RBM6: variants seen among roughly 807,000 people sequenced by gnomAD.
RBM6 encodes RNA binding motif protein 6.
RBM6 carries 23 observed loss-of-function variants against 140.4 expected under a neutral mutation model. That is an observed-to-expected ratio of 0.16 (90% CI 0.12 to 0.23). RBM6 has a LOEUF of 0.23. RBM6 is among the 10% of genes least tolerant of loss of function. The pLI is 1.00. For synonymous variants in RBM6, 439 were observed against 475.6 expected (o/e 0.92, Z 1.00); for missense variants, 1,139 against 1,386.7 (o/e 0.82, Z 2.84).
chr3:50,059,346 C>T (rs1247219982), intron 10 of RBM6: 1 of 194,378 alleles, frequency 5.1e-6, no homozygotes, highest in Non-Finnish European at 1.0e-5. Flanking sequence ...TCAAAAGTCA[C>T]AAGGGACTTT....
intron 6 of RBM6, among the ~76,000 whole-genome samples, chr3:50,036,687 T>C (rs1358441701): frequency 2.4e-4 from 37 of 152,332 alleles, no homozygotes; most frequent in South Asian, 2.1e-4. Flanking sequence ...GATAATTCTT[T>C]GTGTTATTTG....
chr3:49,986,520 G>A (rs773342595), intron 5 of RBM6, among the ~76,000 whole-genome samples: 1 of 150,770 alleles, frequency 6.6e-6, no homozygotes, highest in Admixed American at 6.6e-5. Flanking sequence ...GCATGAACCC[G>A]GGAGGCAGAG....
At chr3:49,958,607 C>T (rs944033567) in intron 1 of RBM6, among the ~76,000 whole-genome samples, 7 of 151,202 alleles carry the variant, frequency 4.6e-5, no homozygotes, top group Non-Finnish European at 8.9e-5. Flanking sequence ...AAAAATTAGC[C>T]GGGCGTGGTG....
At chr3:50,033,034 T>C (rs1012355298) in intron 6 of RBM6, among the ~76,000 whole-genome samples, 6 of 150,038 alleles carry the variant, frequency 4.0e-5, no homozygotes, top group African/African-American at 1.5e-4. Flanking sequence ...GCCAAGCTCA[T>C]GCCTGTAATC....
At chr3:50,047,407 C>T (rs2089273634) in intron 6 of RBM6, 1 of 800,888 alleles carries the variant, frequency 1.2e-6, no homozygotes, top group South Asian at 5.7e-5. Context: ...CACATACCTG[C>T]TGCCTAGTGT....
intron 5 of RBM6, among the ~76,000 whole-genome samples, chr3:49,997,597 T>G (rs888671409): frequency 2.0e-5 from 3 of 152,212 alleles, no homozygotes; most frequent in Non-Finnish European, 2.9e-5. Context: ...TGATATGTTC[T>G]GTAGAGGTAA....
chr3:50,056,589 C>T (rs2089711728), intron 8 of RBM6, among the ~76,000 whole-genome samples: 1 of 152,186 alleles, frequency 6.6e-6, no homozygotes, highest in Non-Finnish European at 1.5e-5. Context: ...CCACCGCTCC[C>T]GGCCATGAAT....
chr3:50,053,297 C>T (rs901769157), intron 7 of RBM6, among the ~76,000 whole-genome samples: 1 of 152,032 alleles, frequency 6.6e-6, no homozygotes. Context: ...TTTGGGAGGC[C>T]GAGGCGGGCA....
intron 6 of RBM6, among the ~76,000 whole-genome samples, chr3:50,006,176 G>T (rs1251920606): frequency 7.1e-6 from 1 of 141,732 alleles, no homozygotes; most frequent in Non-Finnish European, 1.5e-5. Flanking sequence ...ATGGAGTCTC[G>T]CTGTGTCGCC....
chr3:49,975,304 A>G lies in RBM6; in HGVS notation c.1414-19A>G. The G allele has an allele frequency of 1.3e-6, 2 of 1,583,672 alleles. No homozygotes were observed. The highest frequency in any genetic ancestry group is 1.7e-6 in the Non-Finnish European group (2 of 1,152,474). ...TGATTATGATTTGTATCATTTGTAT[A>G]AATGCCATATTTTTGCAGATTCTTA... On this transcript the variant is annotated intron_variant, in intron 4 of 20. Transcript: ENST00000266022.
intron 5 of RBM6, among the ~76,000 whole-genome samples, chr3:49,976,118 G>T (rs1244645533): frequency 1.3e-5 from 2 of 151,860 alleles, no homozygotes; most frequent in Non-Finnish European, 2.9e-5. Context: ...TAATCTTTAG[G>T]TGACCTATTT....
intron 6 of RBM6, among the ~76,000 whole-genome samples, chr3:50,032,249 G>C (rs1250441305): frequency 6.6e-6 from 1 of 151,908 alleles, no homozygotes; most frequent in Non-Finnish European, 1.5e-5. Context: ...TTGGGAGGTC[G>C]AGGCAGGCGG....
chr3:50,010,554 TTATGG>T (rs1439424493), intron 6 of RBM6, among the ~76,000 whole-genome samples: 2 of 152,098 alleles, frequency 1.3e-5, no homozygotes, highest in Non-Finnish European at 2.9e-5. Flanking sequence ...ACAGTGGATT[TTATGG>T]TATGTGAATT....
intron 6 of RBM6, among the ~76,000 whole-genome samples, chr3:50,035,026 C>CTCATCTT (rs2088437606): frequency 5.7e-5 from 8 of 141,462 alleles, no homozygotes; most frequent in Non-Finnish European, 7.8e-5. Context: ...CATCTTCCCT[C>CTCATCTT]CCCTCCCCTC....
intron 6 of RBM6, among the ~76,000 whole-genome samples, chr3:50,040,491 TATACAC>T (rs1214073494): frequency 4.2e-5 from 4 of 95,654 alleles, no homozygotes; most frequent in African/African-American, 1.6e-4. Flanking sequence ...TATATATATA[TATACAC>T]ACACACACAC....
intron 1 of RBM6, among the ~76,000 whole-genome samples, chr3:49,949,481 C>G (rs931714548): frequency 1.3e-5 from 2 of 152,116 alleles, no homozygotes; most frequent in African/African-American, 2.4e-5. Context: ...CAACCTCTGC[C>G]TCCCGGGTTC....
At chr3:50,025,153 G>A (rs761461760) in intron 6 of RBM6, among the ~76,000 whole-genome samples, 3 of 151,570 alleles carry the variant, frequency 2.0e-5, no homozygotes, top group African/African-American at 2.4e-5. Flanking sequence ...AGCCAGGCGC[G>A]GTGGCTCACG....
chr3:50,054,298 A>G (rs1032477654), intron 7 of RBM6, 37 bp from the exon 8 acceptor site: 3 of 1,547,322 alleles, frequency 1.9e-6, no homozygotes, highest in African/African-American at 1.4e-5. Context: ...ATTTTTAAAA[A>G]TGTTTTCAGT....
At chr3:49,977,934 T>C (rs1456776938) in intron 5 of RBM6, among the ~76,000 whole-genome samples, 3 of 152,086 alleles carry the variant, frequency 2.0e-5, no homozygotes, top group Admixed American at 6.6e-5. Flanking sequence ...CTGAGCAACA[T>C]AGCAAGACCT....
Sources: gnomAD v4.1 joint callset for allele counts (sites outside exome capture counted in the v4.1 genomes callset) on GRCh38, gnomAD v4.1.1 for gene constraint, MANE v1.5 for transcripts, NCBI Gene and HGNC (gene_info 2026-07-23, HGNC 2026-07-21) for gene names.